The following CCT8 variants were observed in gnomAD, a reference collection of about 807,000 sequenced individuals.
CCT8 encodes T-complex protein 1 subunit theta.
A neutral mutation model predicts 65.7 loss-of-function variants in CCT8; 10 were observed. The ratio of observed to expected loss-of-function variants is 0.15; its 90% CI spans 0.09 to 0.26. The LOEUF is 0.26. Among genes scored for constraint, CCT8 ranks in the 10% least tolerant of loss-of-function variants. The probability of loss-of-function intolerance (pLI) is 1.00; values close to 1 mark genes in which losing one functional copy is unlikely to be tolerated. For missense variants in CCT8, 568 were observed against 669.1 expected (o/e 0.85, Z 1.67); for synonymous variants, 199 against 221.8 (o/e 0.90, Z 0.92).
chr21:29,062,158 A>G lies in CCT8; in HGVS notation c.1182T>C (p.Asp394=), dbSNP rs1235459178. ...LMDDIERAVD[D]GVNTFKVLTR... ...TAAGAACTTTGAAAGTATTAACACC[A>G]TCGTCTACTGCCCTTTCTATGTCAT... Residue 394 remains aspartate (D), a synonymous_variant, in exon 11 of 15, where the codon GAT becomes GAC. Coordinates refer to ENST00000286788, the MANE Select transcript of CCT8 (RefSeq NM_006585.4). 6.2e-7 allele frequency: 1 copy of G among 1,612,268 alleles called. No homozygotes were observed. The highest frequency in any genetic ancestry group is 1.3e-5 in the African/African-American group (1 of 74,904).
chr21:29,057,609 A>C (rs542605455), intron 14 of CCT8, among the ~76,000 whole-genome samples: 141 of 147,270 alleles, frequency 9.6e-4, no homozygotes, highest in Non-Finnish European at 1.7e-3. Flanking sequence ...ACAAAAACTA[A>C]AAATATATAT....
At chr21:29,064,865 C>A in intron 7 of CCT8, 103 bp downstream of exon 7, 1 of 935,528 alleles carries the variant, frequency 1.1e-6, no homozygotes, top group Non-Finnish European at 1.6e-6. Context: ...TAAGATCCTG[C>A]AATGTTCAGT....
chr21:29,061,460 T>C, intron 12 of CCT8, 36 bp downstream of exon 12: 2 of 1,613,532 alleles, frequency 1.2e-6, no homozygotes, highest in Non-Finnish European at 1.7e-6. Flanking sequence ...ATTCAAGCAA[T>C]GGAAAGAAAG....
chr21:29,057,029 C>G (rs1402673759), intron 14 of CCT8, among the ~76,000 whole-genome samples: 1 of 151,620 alleles, frequency 6.6e-6, no homozygotes, highest in Non-Finnish European at 1.5e-5. Flanking sequence ...AAGTTTAACA[C>G]TGAAATTTTC....
intron 14 of CCT8, 102 bp from the exon 15 acceptor site, chr21:29,056,654 G>T: frequency 1.6e-6 from 1 of 612,704 alleles, no homozygotes. Context: ...AGTCTTCTTG[G>T]TATAATTATG....
chr21:29,060,639 C>T lies in CCT8; in HGVS notation c.1471G>A (p.Asp491Asn), dbSNP rs755212476. Residue 491 changes from aspartate to asparagine, a missense_variant, in exon 14 of 15, where the codon GAC becomes AAC. Transcript: ENST00000286788. ...TCTAGAATACCAGCTTCCAGCATGT[C>T]CTTTACAGCAGGGACTTCAGCCTGT... ...DIEAEVPAVK[D>N]MLEAGILDTY... is the part of the protein sequence containing the mutation. 1.9e-6 allele frequency: 3 copies of T among 1,613,528 alleles called. No homozygotes were observed. Among genetic ancestry groups the T allele is most frequent in the East Asian group, 4.5e-5 (2 of 44,870 alleles).
intron 1 of CCT8, 35 bp from the exon 2 acceptor site, chr21:29,070,372 T>C (rs2085667879): frequency 7.3e-7 from 1 of 1,374,084 alleles, no homozygotes; most frequent in Non-Finnish European, 1.0e-6. Flanking sequence ...CCCCGCTAAT[T>C]AGACAGGACA....
At chr21:29,063,646 T>C in intron 7 of CCT8, 116 bp from the exon 8 acceptor site, 1 of 893,964 alleles carries the variant, frequency 1.1e-6, no homozygotes, top group East Asian at 2.5e-5. Flanking sequence ...TGAAGATATA[T>C]GTGCATATAT....
At chr21:29,057,350 T>C (rs2085509278) in intron 14 of CCT8, among the ~76,000 whole-genome samples, 1 of 151,480 alleles carries the variant, frequency 6.6e-6, no homozygotes, top group Non-Finnish European at 1.5e-5. Flanking sequence ...TTTTTACTTT[T>C]AGTAGAGACG....
chr21:29,057,109 T>TA (rs1199458504), intron 14 of CCT8, among the ~76,000 whole-genome samples: 17 of 142,692 alleles, frequency 1.2e-4, no homozygotes, highest in South Asian at 9.0e-4. Context: ...GTTCCCAACT[T>TA]AAAAAAAAAA....
rs1331509468 is a variant in CCT8 at position 29,063,540 on chromosome 21, C to T, written c.763-10G>A. On this transcript the variant is annotated splice_polypyrimidine_tract_variant and intron_variant, in intron 7 of 14. Coordinates refer to ENST00000286788, the MANE Select transcript of CCT8 (RefSeq NM_006585.4). ...TTATCAACACTGTTCCCTGGCAAAA[C>T]AAGTAAACATTCCCTTTAAAATCAT... The T allele has an allele frequency of 1.9e-6, 3 of 1,611,174 alleles. No homozygotes were observed. Among genetic ancestry groups the T allele is most frequent in the Non-Finnish European group, 2.5e-6 (3 of 1,178,594 alleles).
At position 29,062,347 on chromosome 21, in the gene CCT8, C is replaced by T; in HGVS notation, c.1077G>A (p.Gln359=). Residue 359 remains glutamine (Q), a synonymous_variant, in exon 10 of 15, where the codon CAG becomes CAA. Coordinates refer to ENST00000286788, the MANE Select transcript of CCT8 (RefSeq NM_006585.4). ...SVYLSEVGDT[Q]VVVFKHEKED... ...ACATACCATGCTTAAAAACCACCAC[C>T]TGAGTATCTCCAACTTCTGAGAGGT... 1.2e-6 allele frequency: 2 copies of T among 1,613,786 alleles called. No homozygotes were observed. Among genetic ancestry groups the T allele is most frequent in the Non-Finnish European group, 1.7e-6 (2 of 1,179,688 alleles).
chr21:29,071,339 A>G lies in CCT8; in HGVS notation c.61-1002T>C, dbSNP rs548882599. 2.0e-5 allele frequency among the ~76,000 whole-genome samples: 3 copies of G among 152,304 alleles called. No individual in the cohort carries two copies. The South Asian group carries it at 6.2e-4, about 32-fold the overall frequency. ...AGTTCTATTTACATAGTACTGCTTT[A>G]CAATACAAGCCATGATTTTGTGATC... is the stretch of plus-strand genomic sequence containing the variant. On this transcript the variant is annotated intron_variant, in intron 1 of 14. Transcript: ENST00000286788.
intron 13 of CCT8, 88 bp from the exon 14 acceptor site, chr21:29,060,748 A>G: frequency 7.2e-7 from 1 of 1,398,524 alleles, no homozygotes; most frequent in Non-Finnish European, 1.0e-6. Context: ...AGCTCCTTAA[A>G]TAGTACTGGA....
In CCT8 at chr21:29,064,951, G is replaced by T; in HGVS notation, c.762+17C>A. Reference sequence around the variant, plus strand: ...TGCAACCCCAATTATTACTTTTAAGGTTTGAAGTCTACATACCTTAGTTTC... The same window carrying T: ...TGCAACCCCAATTATTACTTTTAAGTTTTGAAGTCTACATACCTTAGTTTC... On this transcript the variant is annotated intron_variant, in intron 7 of 14. Transcript: ENST00000286788. 6.2e-7 allele frequency: 1 copy of T among 1,610,620 alleles called. No homozygotes were observed. The highest frequency in any genetic ancestry group is 1.1e-5 in the South Asian group (1 of 90,958).
At chr21:29,061,713 A>G (rs1271083297) in intron 11 of CCT8, 146 bp from the exon 12 acceptor site, 1 of 847,322 alleles carries the variant, frequency 1.2e-6, no homozygotes, top group African/African-American at 1.7e-5. Context: ...ACATATTACA[A>G]ATTTGGTAAA....
intron 13 of CCT8, 47 bp downstream of exon 13, chr21:29,061,206 T>A: frequency 7.1e-7 from 1 of 1,405,090 alleles, no homozygotes; most frequent in South Asian, 1.2e-5. Context: ...TTTTAGGTTG[T>A]GCATTCCCCA....
Position 29,069,522 on chromosome 21 carries a change from A to G in CCT8, c.152-20T>C, listed in dbSNP as rs748887904. ...TCATTCCTCAAAAGTAACAGTTAAA[A>G]AAAGAAAAAGAAAGCCATTATTAAT... On this transcript the variant is annotated intron_variant, in intron 2 of 14. Coordinates refer to ENST00000286788, the MANE Select transcript of CCT8 (RefSeq NM_006585.4). The G allele has an allele frequency of 2.8e-6, 4 of 1,409,734 alleles. No individual in the cohort carries two copies. Among genetic ancestry groups the G allele is most frequent in the Non-Finnish European group, 2.9e-6 (3 of 1,033,412 alleles). The allele number at this position is 1,409,734 out of a possible 1,614,324, so 87.3% of individuals were successfully genotyped here. A position where few individuals can be genotyped will look rare whatever the true frequency, so the allele number is the denominator to read the frequency against.
rs1267697511 is a variant in CCT8 at position 29,061,335 on chromosome 21, G to C, written c.1367C>G (p.Ser456Cys). The C allele has an allele frequency of 5.0e-6, 8 of 1,613,848 alleles. No homozygotes were observed. The highest frequency in any genetic ancestry group is 6.8e-6 in the Non-Finnish European group (8 of 1,179,918). Residue 456 changes from serine (S) to cysteine (C), a missense_variant, in exon 13 of 15, where the codon TCT becomes TGT. Physicochemically the swap from Ser to Cys is moderately radical, Grantham distance 112. Coordinates refer to ENST00000286788, the MANE Select transcript of CCT8 (RefSeq NM_006585.4). ...GATTACTTCATTGGCCTTAACTCCA[G>C]AGTTTTCTGCCAGTGCGCGGGGAAT... is the stretch of plus-strand genomic sequence containing the variant. ...EAIPRALAEN[S>C]GVKANEVISK...
Sources: gnomAD v4.1 joint callset for allele counts (sites outside exome capture counted in the v4.1 genomes callset) on GRCh38, gnomAD v4.1.1 for gene constraint, MANE v1.5 for transcripts, NCBI Gene and HGNC (gene_info 2026-07-23, HGNC 2026-07-21) for gene names.